The following WDR64 variants were observed in gnomAD, a reference collection of about 807,000 sequenced individuals.
WDR64 encodes WD repeat-containing protein 64.
WDR64 carries 112 observed loss-of-function variants against 139.3 expected under a neutral mutation model. The observed-to-expected ratio is 0.80, with a 90% CI of 0.69 to 0.94. WDR64 has a LOEUF of 0.94. Ranked by LOEUF, WDR64 falls within the 40% of genes least tolerant of loss-of-function variation. The probability of loss-of-function intolerance (pLI) is 0.00; values close to 1 mark genes in which losing one functional copy is unlikely to be tolerated. For missense variants in WDR64, 1,206 were observed against 1,293.1 expected (o/e 0.93, Z 1.03); for synonymous variants, 444 against 437.7 (o/e 1.01, Z -0.18).
Position 241,780,161 on chromosome 1 carries a change from T to C in WDR64, c.2595+99T>C, listed in dbSNP as rs191867252. The C allele has an allele frequency of 6.6e-4, 689 of 1,038,312 alleles. 1 individual carries two copies. The highest frequency in any genetic ancestry group is 7.7e-4 in the Non-Finnish European group (549 of 716,666). 64.3% of individuals were successfully genotyped at this position (1,038,312 alleles called of 1,614,324 possible). A position where few individuals can be genotyped will look rare whatever the true frequency, so the allele number is the denominator to read the frequency against. ...CATAAAGGATAGAAATACAAGACTC[T>C]CTGTTGTCAAGGCACATATACTATT... On this transcript the variant is annotated intron_variant, in intron 22 of 27. Coordinates refer to ENST00000437684, the MANE Select transcript of WDR64 (RefSeq NM_001367482.1).
intron 4 of WDR64, among the ~76,000 whole-genome samples, chr1:241,675,670 A>G (rs1227716540): frequency 6.6e-6 from 1 of 152,212 alleles, no homozygotes; most frequent in East Asian, 1.9e-4. Flanking sequence ...TTTACTAATT[A>G]TGTCATTAAG....
At chr1:241,705,244 T>C (rs1667887293) in intron 8 of WDR64, among the ~76,000 whole-genome samples, 1 of 152,088 alleles carries the variant, frequency 6.6e-6, no homozygotes, top group African/African-American at 2.4e-5. Flanking sequence ...TTTTTTCTTT[T>C]TAGAGACAAG....
chr1:241,711,834 C>A lies in WDR64; in HGVS notation c.1007C>A (p.Ala336Asp). 1 of 1,614,134 alleles carries A rather than the reference C, an allele frequency of 6.2e-7. No individual in the cohort carries two copies. The highest frequency in any genetic ancestry group is 8.5e-7 in the Non-Finnish European group (1 of 1,180,012). The change falls in exon 9 of 28, where the codon GCC becomes GAC. Residue 336 changes from alanine to aspartate, a missense_variant. By Grantham distance (126) the Ala-to-Asp change is moderately radical. Transcript: ENST00000437684. ...PVREFSMPRG[A>D]NTFCYCVKAN... ...AGAGAGTTTTCCATGCCAAGAGGAG[C>A]CAACACTTTTTGCTACTGTGTTAAG...
chr1:241,653,428 T>G (rs2148045535), intron 1 of WDR64, among the ~76,000 whole-genome samples: 1 of 152,298 alleles, frequency 6.6e-6, no homozygotes, highest in Non-Finnish European at 1.5e-5. Flanking sequence ...TGAATAGTAT[T>G]TAATAATTTA....
At chr1:241,755,699 C>T (rs1670162194) in intron 14 of WDR64, among the ~76,000 whole-genome samples, 1 of 152,108 alleles carries the variant, frequency 6.6e-6, no homozygotes, top group South Asian at 2.1e-4. Context: ...TTAGGTCTTA[C>T]ATTTAAGTCT....
At chr1:241,797,830 T>C (rs1307923575) in intron 27 of WDR64, among the ~76,000 whole-genome samples, 1 of 152,254 alleles carries the variant, frequency 6.6e-6, no homozygotes, top group East Asian at 1.9e-4. Flanking sequence ...TAATAAAGTA[T>C]TTGTATTTTT....
At chr1:241,763,744 A>G (rs1350263385) in intron 15 of WDR64, among the ~76,000 whole-genome samples, 1 of 152,098 alleles carries the variant, frequency 6.6e-6, no homozygotes, top group Non-Finnish European at 1.5e-5. Context: ...AAAAAATTTG[A>G]TTGTGCATGG....
intron 10 of WDR64, among the ~76,000 whole-genome samples, chr1:241,735,551 T>TTTTTTTTTTTG: frequency 6.8e-6 from 1 of 147,236 alleles, no homozygotes; most frequent in African/African-American, 2.5e-5. Flanking sequence ...TTTTTTTTTT[T>TTTTTTTTTTTG]TGATACGGAA....
intron 20 of WDR64, among the ~76,000 whole-genome samples, chr1:241,773,377 C>T (rs1658532444): frequency 6.6e-6 from 1 of 152,160 alleles, no homozygotes; most frequent in South Asian, 2.1e-4. Flanking sequence ...CTAATAGAAG[C>T]AGGAAAGGTG....
At chr1:241,687,796 C>G (rs1000513335) in intron 8 of WDR64, among the ~76,000 whole-genome samples, 1 of 152,214 alleles carries the variant, frequency 6.6e-6, no homozygotes, top group African/African-American at 2.4e-5. Context: ...CGTGTCCTAA[C>G]ATCAACTGTG....
At chr1:241,660,769 C>T in intron 2 of WDR64, 109 bp downstream of exon 2, 1 of 1,238,332 alleles carries the variant, frequency 8.1e-7, no homozygotes, top group African/African-American at 1.5e-5. Context: ...CCACAACGTG[C>T]ATGTGTCAGT....
intron 2 of WDR64, among the ~76,000 whole-genome samples, chr1:241,663,515 C>A (rs1055316346): frequency 2.0e-5 from 3 of 152,216 alleles, no homozygotes; most frequent in African/African-American, 4.8e-5. Context: ...GCTTCACAGG[C>A]CTGAAAGTAG....
intron 13 of WDR64, among the ~76,000 whole-genome samples, chr1:241,746,774 T>G (rs568722662): frequency 1.4e-4 from 22 of 151,910 alleles, no homozygotes; most frequent in African/African-American, 5.1e-4. Flanking sequence ...TTTTTTTTTT[T>G]TGTGATGGAG....
At chr1:241,785,651 T>C (rs561272783) in intron 23 of WDR64, among the ~76,000 whole-genome samples, 24 of 152,352 alleles carry the variant, frequency 1.6e-4, no homozygotes, top group Admixed American at 3.3e-4. Context: ...AGTGCTTACA[T>C]CTATTAATAG....
At chr1:241,763,420 C>G (rs1366394942) in intron 15 of WDR64, among the ~76,000 whole-genome samples, 3 of 152,116 alleles carry the variant, frequency 2.0e-5, no homozygotes, top group African/African-American at 7.2e-5. Flanking sequence ...TGAAAGTTTG[C>G]AAAAGTCGGC....
intron 2 of WDR64, among the ~76,000 whole-genome samples, chr1:241,661,152 A>G (rs1296553581): frequency 2.0e-5 from 3 of 151,264 alleles, no homozygotes; most frequent in South Asian, 2.1e-4. Context: ...TTTATAAATT[A>G]TCTGGTTCTT....
chr1:241,782,132 A>T (rs1658867129), intron 22 of WDR64, among the ~76,000 whole-genome samples: 1 of 152,096 alleles, frequency 6.6e-6, no homozygotes, highest in Admixed American at 6.5e-5. Flanking sequence ...TAAAAATACA[A>T]AAAAAATTAG....
intron 18 of WDR64, 91 bp downstream of exon 18, chr1:241,770,781 G>A (rs1185955312): frequency 1.0e-5 from 12 of 1,177,566 alleles, no homozygotes; most frequent in Non-Finnish European, 1.4e-5. Flanking sequence ...CCCCTCCTTT[G>A]ATAGAAGGTA....
chr1:241,777,028 A>C (rs1658679475), intron 21 of WDR64, among the ~76,000 whole-genome samples: 1 of 152,200 alleles, frequency 6.6e-6, no homozygotes, highest in Admixed American at 6.5e-5. Context: ...AACTTCTTTG[A>C]GGGCTGCTAT....
Sources: gnomAD v4.1 joint callset for allele counts (sites outside exome capture counted in the v4.1 genomes callset) on GRCh38, gnomAD v4.1.1 for gene constraint, MANE v1.5 for transcripts, NCBI Gene and HGNC (gene_info 2026-07-23, HGNC 2026-07-21) for gene names.